TMEM143: variants seen among roughly 807,000 people sequenced by gnomAD.
TMEM143 encodes the protein transmembrane protein 143.
Under a neutral mutation model 40.3 loss-of-function variants are expected in TMEM143, and 45 were observed. The ratio of observed to expected loss-of-function variants is 1.12; its 90% CI spans 0.88 to 1.43. The LOEUF (loss-of-function observed/expected upper bound fraction) is 1.43, where lower values mean the gene tolerates loss of function less well. Among genes scored for constraint, TMEM143 ranks in the 40% most tolerant of loss-of-function variants. The pLI, the probability that TMEM143 is intolerant of heterozygous loss-of-function variation, is 0.00. For synonymous variants in TMEM143, 299 were observed against 282.7 expected (o/e 1.06, Z -0.58); for missense variants, 620 against 613.4 (o/e 1.01, Z -0.11).
At chr19:48,342,984 C>A in intron 5 of TMEM143, 175 bp from the exon 6 acceptor site, 1 of 796,204 alleles carries the variant, frequency 1.3e-6, no homozygotes. Context: ...GGGATCGGTT[C>A]AATCGCGCCA....
intron 3 of TMEM143, among the ~76,000 whole-genome samples, chr19:48,355,092 C>A (rs898216537): frequency 6.6e-5 from 10 of 151,954 alleles, no homozygotes; most frequent in African/African-American, 2.4e-4. Context: ...TCTTGGCTCA[C>A]TGCAACCTCC....
intron 2 of TMEM143, among the ~76,000 whole-genome samples, chr19:48,362,037 C>T (rs919256196): frequency 2.1e-5 from 3 of 144,818 alleles, no homozygotes; most frequent in African/African-American, 5.8e-5. Flanking sequence ...TATTTGTGTA[C>T]TTTTGTGTGC....
chr19:48,341,386 A>G (rs1201057169), intron 6 of TMEM143, among the ~76,000 whole-genome samples: 1 of 152,136 alleles, frequency 6.6e-6, no homozygotes, highest in African/African-American at 2.4e-5. Flanking sequence ...GAGCTTGTTA[A>G]AAATATAGTT....
chr19:48,352,657 C>T (rs868433305), intron 3 of TMEM143, among the ~76,000 whole-genome samples: 2 of 151,976 alleles, frequency 1.3e-5, no homozygotes, highest in South Asian at 4.2e-4. Flanking sequence ...CACCTGTAGT[C>T]CCAGCTACTC....
intron 3 of TMEM143, chr19:48,359,731 T>A: frequency 5.7e-6 from 1 of 176,630 alleles, no homozygotes; most frequent in Non-Finnish European, 1.2e-5. Flanking sequence ...ATGGTCTCGA[T>A]CTCCTGACCT....
intron 3 of TMEM143, among the ~76,000 whole-genome samples, chr19:48,358,754 T>G (rs1969967436): frequency 6.6e-6 from 1 of 152,150 alleles, no homozygotes; most frequent in Non-Finnish European, 1.5e-5. Context: ...TAGATGTCCC[T>G]GCCTCTGATA....
intron 3 of TMEM143, among the ~76,000 whole-genome samples, chr19:48,347,817 A>G (rs1457257471): frequency 6.7e-6 from 1 of 149,756 alleles, no homozygotes; most frequent in Non-Finnish European, 1.5e-5. Flanking sequence ...TGGCCTCCCA[A>G]CGAGCTGGGA....
intron 3 of TMEM143, among the ~76,000 whole-genome samples, chr19:48,355,612 GGTT>G (rs879887512): frequency 5.9e-5 from 9 of 152,304 alleles, no homozygotes; most frequent in Middle Eastern, 3.4e-3. Flanking sequence ...CTGTTGCTGG[GGTT>G]GTTATTATTC....
intron 3 of TMEM143, among the ~76,000 whole-genome samples, chr19:48,355,370 G>A (rs1969865746): frequency 6.6e-6 from 1 of 152,128 alleles, no homozygotes; most frequent in African/African-American, 2.4e-5. Context: ...AAACAACCGT[G>A]GCTCCAGAGG....
At position 48,342,511 on chromosome 19, in the gene TMEM143, G is replaced by T; in HGVS notation, c.975+19C>A. 1 of 1,588,484 alleles carries T rather than the reference G, an allele frequency of 6.3e-7. No homozygotes were observed. ...CCCACAGCGCAGGGCCGCAGGAGGC[G>T]TGGCAGGCGCATGCTCACCTTGGAG... is the stretch of plus-strand genomic sequence containing the variant. On this transcript the variant is annotated intron_variant, in intron 6 of 7. Transcript: ENST00000293261.
chr19:48,348,114 C>G (rs1016761178), intron 3 of TMEM143, among the ~76,000 whole-genome samples: 8 of 152,076 alleles, frequency 5.3e-5, no homozygotes, highest in Non-Finnish European at 8.8e-5. Context: ...CATCCTCCAG[C>G]CTAGGCTGGT....
At chr19:48,359,771 T>C (rs757447175) in intron 3 of TMEM143, 66 of 223,814 alleles carry the variant, frequency 2.9e-4, no homozygotes, top group Non-Finnish European at 3.5e-4. Context: ...CCTCCCAAAG[T>C]GCTGGGATTA....
Position 48,363,471 on chromosome 19 carries a change from G to A in TMEM143, c.84C>T (p.Val28=). The part of the protein sequence containing the change: ...HVTRGVWGSR[V]RVWPLLPALL... ...GCGCGGGCAACAGTGGCCATACTCG[G>A]ACCCTGGACCCCCAGACCCCCCGGG... The change falls in exon 2 of 8, where the codon GTC becomes GTT. Residue 28 remains valine (V), a synonymous_variant. Transcript: ENST00000293261. 1 of 1,613,932 alleles carries A rather than the reference G, an allele frequency of 6.2e-7. No individual in the cohort carries two copies. Among genetic ancestry groups the A allele is most frequent in the Non-Finnish European group, 8.5e-7 (1 of 1,179,970 alleles).
intron 6 of TMEM143, among the ~76,000 whole-genome samples, chr19:48,334,468 TTC>T (rs1569022524): frequency 1.5e-4 from 8 of 52,782 alleles, no homozygotes; most frequent in East Asian, 4.8e-4. Flanking sequence ...CTTTCTTTCT[TTC>T]TTTCTTTCTT....
intron 6 of TMEM143, among the ~76,000 whole-genome samples, chr19:48,334,531 CTTTT>C (rs1969322429): frequency 8.0e-6 from 1 of 125,252 alleles, no homozygotes; most frequent in Non-Finnish European, 1.7e-5. Context: ...CTCTTTCTTT[CTTTT>C]CTTTTCTTTC....
intron 3 of TMEM143, among the ~76,000 whole-genome samples, chr19:48,356,968 G>C (rs1600924067): frequency 1.6e-5 from 2 of 125,840 alleles, no homozygotes; most frequent in Non-Finnish European, 3.2e-5. Flanking sequence ...GCAGTGGCGC[G>C]ATCTCGGTTC....
At position 48,333,081 on chromosome 19, in the gene TMEM143, C is replaced by T; in HGVS notation, c.*138G>A. On this transcript the variant is annotated 3_prime_UTR_variant, in exon 8 of 8. Transcript: ENST00000293261. This position sits in a 1 kb window ranked among gnomAD's most constrained non-coding sequence, Gnocchi z 4.1. ...TTTGATTGGCTGCTTTGCTTAAGCA[C>T]ACAGTGCAGCAAAAATAATCACCTG... is the stretch of plus-strand genomic sequence containing the variant. 1 of 656,858 alleles carries T rather than the reference C, an allele frequency of 1.5e-6. No individual in the cohort carries two copies. Among genetic ancestry groups the T allele is most frequent in the Non-Finnish European group, 2.3e-6 (1 of 437,722 alleles). 40.7% of individuals were successfully genotyped at this position (656,858 alleles called of 1,614,324 possible). A position where few individuals can be genotyped will look rare whatever the true frequency, so the allele number is the denominator to read the frequency against.
chr19:48,342,639 C>T lies in TMEM143; in HGVS notation c.866G>A (p.Gly289Asp). The T allele has an allele frequency of 1.2e-6, 2 of 1,614,042 alleles. No homozygotes were observed. Among genetic ancestry groups the T allele is most frequent in the Non-Finnish European group, 1.7e-6 (2 of 1,180,002 alleles). ...GCCCACGTTGACGAAGATCGCCACG[C>T]CGGAGACTACCAGCATGAGGTTGAG... ...ALLNLMLVVS[G>D]VAIFVNVGMV... is the part of the protein sequence containing the mutation. The change falls in exon 6 of 8, where the codon GGC becomes GAC. Residue 289 changes from glycine to aspartate, a missense_variant. Coordinates refer to ENST00000293261, the MANE Select transcript of TMEM143 (RefSeq NM_018273.4).
At position 48,332,724 on chromosome 19, in the gene TMEM143, A is replaced by T. The variant is rs778034573; in HGVS notation, c.*495T>A. The T allele has an allele frequency of 2.0e-5, 3 of 153,036 alleles. No individual in the cohort carries two copies. Among genetic ancestry groups the T allele is most frequent in the Non-Finnish European group, 4.4e-5 (3 of 68,604 alleles). The allele number at this position is 153,036 out of a possible 1,614,324, so 9.5% of individuals were successfully genotyped here. A position where few individuals can be genotyped will look rare whatever the true frequency, so the allele number is the denominator to read the frequency against. On this transcript the variant is annotated 3_prime_UTR_variant, in exon 8 of 8. Transcript: ENST00000293261. ...CCCTGCAGCGACAACCGGCTGCCCA[A>T]AGTTGATGGAACCCAGCAGCTGTCA...
Sources: allele counts gnomAD v4.1 joint callset (sites outside exome capture counted in the v4.1 genomes callset), GRCh38; gene constraint gnomAD v4.1.1; non-coding constraint Gnocchi (gnomAD v3.1); transcripts MANE v1.5; gene names NCBI Gene and HGNC (gene_info 2026-07-23, HGNC 2026-07-21).